SUMF1: variants seen among roughly 807,000 people sequenced by gnomAD.
The protein encoded by SUMF1 is sulfatase modifying factor 1, also known as formylglycine-generating enzyme.
SUMF1 carries 48 observed loss-of-function variants against 47.6 expected under a neutral mutation model. The observed-to-expected ratio is 1.01, with a 90% CI of 0.80 to 1.28. The LOEUF (loss-of-function observed/expected upper bound fraction) is 1.28. Among genes scored for constraint, SUMF1 ranks in the 50% most tolerant of loss-of-function variants. The pLI is 0.00. For missense variants in SUMF1, 571 were observed against 485.4 expected (o/e 1.18, Z -1.66); for synonymous variants, 230 against 192.1 (o/e 1.20, Z -1.63).
At chr3:4,165,871 C>T (rs115001176) in intron 8 of SUMF1, among the ~76,000 whole-genome samples, 2 of 146,892 alleles carry the variant, frequency 1.4e-5, no homozygotes, top group African/African-American at 2.5e-5. Context: ...TTCCCCCCCC[C>T]CCCCGAGCAA....
At chr3:4,146,406 G>C (rs929559724) in intron 8 of SUMF1, among the ~76,000 whole-genome samples, 1 of 57,354 alleles carries the variant, frequency 1.7e-5, no homozygotes, top group African/African-American at 8.8e-5. Flanking sequence ...AGAGAGGCGA[G>C]GGGGGGAAAG....
intron 8 of SUMF1, among the ~76,000 whole-genome samples, chr3:4,132,898 T>A (rs1283503086): frequency 1.3e-5 from 2 of 152,064 alleles, no homozygotes; most frequent in East Asian, 3.9e-4. Context: ...GTGATTAAGG[T>A]CAATAGGAAA....
At chr3:4,264,837 G>A (rs1288612549) in intron 8 of SUMF1, among the ~76,000 whole-genome samples, 12 of 152,102 alleles carry the variant, frequency 7.9e-5, no homozygotes, top group African/African-American at 4.8e-5. Flanking sequence ...CATCAGTTAA[G>A]AACATTTTGG....
chr3:4,316,741 C>T (rs1156404100), intron 8 of SUMF1: 1 of 1,550,744 alleles, frequency 6.4e-7, no homozygotes. Context: ...CAAGAAGAAG[C>T]TCCAAAGCAC....
At chr3:4,076,043 A>T (rs868162253) in intron 8 of SUMF1, among the ~76,000 whole-genome samples, 1 of 152,170 alleles carries the variant, frequency 6.6e-6, no homozygotes. Flanking sequence ...GACAATCCTA[A>T]GCAAAAAGAA....
chr3:4,215,803 GA>G (rs1317504535), intron 8 of SUMF1, among the ~76,000 whole-genome samples: 8 of 152,000 alleles, frequency 5.3e-5, no homozygotes, highest in African/African-American at 1.9e-4. Context: ...GCTACTAAGA[GA>G]AAAAAATACC....
At position 4,085,634 on chromosome 3, in the gene SUMF1, A is replaced by G. The variant is rs57978164; in HGVS notation, c.1015-16889T>C. ...AAAAGTTCATTCTCCCAGTCATTCA[A>G]TAATTTCCATATCCCTTCTCCTTCA... is the stretch of plus-strand genomic sequence containing the variant. On this transcript the variant is annotated intron_variant and NMD_transcript_variant, in intron 8 of 12. Coordinates refer to the SUMF1 transcript ENST00000448413. Among the ~76,000 whole-genome samples the G allele has an allele frequency of 7.5e-3, 1,148 of 152,180 alleles. 22 individuals carry two copies. Among genetic ancestry groups the G allele is most frequent in the African/African-American group, 0.023 (935 of 41,492 alleles).
intron 8 of SUMF1, among the ~76,000 whole-genome samples, chr3:4,238,738 G>C (rs1477328094): frequency 6.6e-6 from 1 of 152,142 alleles, no homozygotes; most frequent in African/African-American, 2.4e-5. Flanking sequence ...TGTTCACTCT[G>C]ATGGTAGTTT....
chr3:4,333,203 G>T (rs1575105750), intron 8 of SUMF1, among the ~76,000 whole-genome samples: 2 of 152,228 alleles, frequency 1.3e-5, no homozygotes, highest in Non-Finnish European at 2.9e-5. Context: ...AAAGGCAGAG[G>T]GTCCACTGAG....
chr3:4,435,824 T>C (rs1236439778), intron 3 of SUMF1, among the ~76,000 whole-genome samples: 1 of 152,076 alleles, frequency 6.6e-6, no homozygotes, highest in Non-Finnish European at 1.5e-5. Flanking sequence ...GAAGAAAAAC[T>C]AAGAGAATTC....
intron 8 of SUMF1, among the ~76,000 whole-genome samples, chr3:4,370,656 C>T (rs1266206399): frequency 1.3e-4 from 20 of 152,072 alleles, no homozygotes; most frequent in Admixed American, 1.3e-3. Flanking sequence ...ATTCCCAGGG[C>T]CATATCTGAA....
At chr3:4,444,984 G>T (rs1702730274) in intron 3 of SUMF1, among the ~76,000 whole-genome samples, 1 of 152,188 alleles carries the variant, frequency 6.6e-6, no homozygotes, top group African/African-American at 2.4e-5. Flanking sequence ...GGACTACTAG[G>T]ACTGAAGCAC....
intron 8 of SUMF1, among the ~76,000 whole-genome samples, chr3:4,253,964 C>T (rs560175795): frequency 8.6e-5 from 13 of 150,892 alleles, no homozygotes; most frequent in Admixed American, 2.6e-4. Flanking sequence ...CCCTGACCCC[C>T]GAGCAGCCTA....
chr3:4,275,305 T>C (rs548417178), intron 8 of SUMF1, among the ~76,000 whole-genome samples: 16 of 152,248 alleles, frequency 1.1e-4, no homozygotes, highest in South Asian at 6.2e-4. Flanking sequence ...GGCAGAGAAA[T>C]TGCAGAGTTG....
intron 1 of SUMF1, 80 bp downstream of exon 1, chr3:4,466,896 C>T: frequency 1.9e-6 from 3 of 1,550,420 alleles, no homozygotes; most frequent in South Asian, 1.2e-5. Context: ...TCCCTTCCTA[C>T]TAGTGCCTTG....
rs563323563 is a variant in SUMF1 at position 4,383,486 on chromosome 3, C to T, written c.955-7097G>A. ...TTATAAATTGAGAGGCTTAAAATAT[C>T]CTCTGGTCGTGGTGGTGGCACGGGG... On this transcript the variant is annotated intron_variant, in intron 7 of 8. Coordinates refer to ENST00000272902, the MANE Select transcript of SUMF1 (RefSeq NM_182760.4). Among the ~76,000 whole-genome samples, 8 of 152,204 alleles carry T rather than the reference C, an allele frequency of 5.3e-5. No individual in the cohort carries two copies. The South Asian group carries it at 1.7e-3, about 32-fold the overall frequency.
intron 8 of SUMF1, among the ~76,000 whole-genome samples, chr3:4,201,580 T>C (rs1162267419): frequency 6.6e-6 from 1 of 152,136 alleles, no homozygotes; most frequent in Non-Finnish European, 1.5e-5. Flanking sequence ...TATTGACAAT[T>C]GTGAATAGTG....
chr3:4,175,368 T>G (rs1288628029), intron 8 of SUMF1, among the ~76,000 whole-genome samples: 2 of 152,054 alleles, frequency 1.3e-5, no homozygotes, highest in Non-Finnish European at 2.9e-5. Flanking sequence ...TGCATTCTGC[T>G]GCCTCTGCTG....
chr3:4,453,457 TCCCAGACTCAAGC>T (rs957250492), intron 1 of SUMF1, among the ~76,000 whole-genome samples: 2 of 151,940 alleles, frequency 1.3e-5, no homozygotes, highest in African/African-American at 4.8e-5. Flanking sequence ...AGCATTGACT[TCCCAGACTCAAGC>T]GATTCCCCCA....
Sources: allele counts gnomAD v4.1 joint callset (sites outside exome capture counted in the v4.1 genomes callset), GRCh38; gene constraint gnomAD v4.1.1; transcripts MANE v1.5; gene names NCBI Gene and HGNC (gene_info 2026-07-23, HGNC 2026-07-21).